XRCC1: variants seen among roughly 807,000 people sequenced by gnomAD.
XRCC1 encodes the protein X-ray repair cross complementing 1, also known as DNA repair protein XRCC1.
A neutral mutation model predicts 83.3 loss-of-function variants in XRCC1; 52 were observed. The ratio of observed to expected loss-of-function variants is 0.62; its 90% CI spans 0.50 to 0.79. The LOEUF (loss-of-function observed/expected upper bound fraction) is 0.79, where lower values mean the gene tolerates loss of function less well. Among genes scored for constraint, XRCC1 ranks in the 30% least tolerant of loss-of-function variants. The pLI is 0.00. For missense variants in XRCC1, 793 were observed against 823.5 expected (o/e 0.96, Z 0.45); for synonymous variants, 281 against 312.6 (o/e 0.90, Z 1.07).
Position 43,545,905 on chromosome 19 carries a change from C to G in XRCC1, c.1534G>C (p.Glu512Gln), listed in dbSNP as rs1051956334. Residue 512 changes from glutamate (E) to glutamine (Q), a missense_variant, in exon 14 of 17, where the codon GAA becomes CAA. Physicochemically the swap from Glu to Gln is conservative, Grantham distance 29. Transcript: ENST00000262887. ...RLPPGQEENG[E>Q]DPYAGSTDEN... The stretch of plus-strand genomic sequence containing the variant: ...TCCGTGGAGCCTGCATACGGGTCTT[C>G]CCCATTCTCCTCCTGGCCAGGGGGC... 4 of 1,613,960 alleles carry G rather than the reference C, an allele frequency of 2.5e-6. 1 individual carries two copies. Among genetic ancestry groups the G allele is most frequent in the Middle Eastern group, 3.3e-4 (2 of 6,056 alleles).
rs548291919 is a variant in XRCC1 at position 43,570,069 on chromosome 19, C to T, written c.144+4841G>A. Reference sequence around the variant, plus strand: ...CAGGGCTGCAGTTTGCAAAGAGTCACTGAGCTGTACTCTTACTTACACCTT... The same window carrying T: ...CAGGGCTGCAGTTTGCAAAGAGTCATTGAGCTGTACTCTTACTTACACCTT... On this transcript the variant is annotated intron_variant, in intron 2 of 16. Coordinates refer to ENST00000262887, the MANE Select transcript of XRCC1 (RefSeq NM_006297.3). Among the ~76,000 whole-genome samples the T allele has an allele frequency of 9.8e-5, 15 of 152,310 alleles. No homozygotes were observed. In the East Asian group the frequency reaches 2.7e-3, roughly 27 times the overall value.
At chr19:43,552,938 C>T in intron 7 of XRCC1, 30 bp from the exon 8 acceptor site, 1 of 1,610,926 alleles carries the variant, frequency 6.2e-7, no homozygotes, top group Non-Finnish European at 8.5e-7. Flanking sequence ...TTGAGGCCTC[C>T]AGCTTCTCTC....
chr19:43,574,735 G>C, intron 2 of XRCC1, 175 bp downstream of exon 2: 2 of 600,696 alleles, frequency 3.3e-6, no homozygotes. Context: ...TTAATCCTTG[G>C]GTCTCCTTTC....
chr19:43,552,737 G>A (rs557595960), intron 8 of XRCC1, 60 bp downstream of exon 8: 11 of 1,458,170 alleles, frequency 7.5e-6, no homozygotes, highest in African/African-American at 1.4e-5. Context: ...CTCCAGCCCC[G>A]CTTCCCCTAG....
intron 10 of XRCC1, among the ~76,000 whole-genome samples, chr19:43,548,931 T>G (rs538181348): frequency 5.3e-5 from 8 of 152,120 alleles, no homozygotes; most frequent in Non-Finnish European, 8.8e-5. Flanking sequence ...AGAGATTATT[T>G]AATCTGCCCT....
intron 2 of XRCC1, among the ~76,000 whole-genome samples, chr19:43,567,184 T>A (rs1972761847): frequency 6.6e-6 from 1 of 152,102 alleles, no homozygotes; most frequent in Admixed American, 6.6e-5. Context: ...AGTGACTGTT[T>A]AATGGTTATG....
At chr19:43,558,197 T>C (rs934050157) in intron 3 of XRCC1, among the ~76,000 whole-genome samples, 4 of 152,160 alleles carry the variant, frequency 2.6e-5, no homozygotes, top group African/African-American at 7.2e-5. Flanking sequence ...AAGTTGGGCA[T>C]GGTGGTGCAA....
intron 12 of XRCC1, 89 bp downstream of exon 12, chr19:43,546,506 C>T (rs1972511997): frequency 1.4e-6 from 2 of 1,449,730 alleles, no homozygotes; most frequent in Non-Finnish European, 1.9e-6. Flanking sequence ...CCAGCCCCTC[C>T]TCCCTCAGAC....
At chr19:43,563,011 C>A (rs1266443556) in intron 2 of XRCC1, among the ~76,000 whole-genome samples, 2 of 152,242 alleles carry the variant, frequency 1.3e-5, no homozygotes, top group East Asian at 3.8e-4. Flanking sequence ...CCCAGGCAGG[C>A]TGGCAACAGT....
At position 43,546,894 on chromosome 19, in the gene XRCC1, A is replaced by AGCTT. The variant is rs2146043491; in HGVS notation, c.1279_1282dup (p.Leu428GlnfsTer29). The stretch of plus-strand genomic sequence containing the variant: ...CAGGGGGCATCAGACCTTCTGAGGA[A>AGCTT]GCTTGGGGGCTTCATCTCCGCTGCC... On this transcript the variant is annotated frameshift_variant, in exon 11 of 17. Coordinates refer to ENST00000262887, the MANE Select transcript of XRCC1 (RefSeq NM_006297.3). LOFTEE classifies it high-confidence loss of function. 2 of 1,613,844 alleles carry AGCTT rather than the reference A, an allele frequency of 1.2e-6. No homozygotes were observed. The highest frequency in any genetic ancestry group is 4.5e-5 in the East Asian group (2 of 44,866).
At chr19:43,552,733 C>A in intron 8 of XRCC1, 64 bp downstream of exon 8, 1 of 1,445,608 alleles carries the variant, frequency 6.9e-7, no homozygotes, top group South Asian at 1.4e-5. Flanking sequence ...CAGGCTCCAG[C>A]CCCGCTTCCC....
chr19:43,559,420 C>T (rs1312077067), intron 3 of XRCC1, among the ~76,000 whole-genome samples: 3 of 132,182 alleles, frequency 2.3e-5, no homozygotes, highest in African/African-American at 8.7e-5. Context: ...GTGGAGCTTG[C>T]AGTGAGCCGA....
chr19:43,566,104 C>T (rs527476449), intron 2 of XRCC1, among the ~76,000 whole-genome samples: 4 of 152,136 alleles, frequency 2.6e-5, no homozygotes, highest in Admixed American at 2.6e-4. Flanking sequence ...GACTTGGTGG[C>T]GTGCACCTGT....
chr19:43,553,542 T>G (rs1035133413), intron 5 of XRCC1, 30 bp from the exon 6 acceptor site: 1 of 1,613,008 alleles, frequency 6.2e-7, no homozygotes, highest in South Asian at 1.1e-5. Context: ...GTATTATAGG[T>G]GGGCTGCTGG....
intron 2 of XRCC1, among the ~76,000 whole-genome samples, chr19:43,571,613 C>T (rs1420378764): frequency 6.6e-6 from 1 of 152,238 alleles, no homozygotes; most frequent in Non-Finnish European, 1.5e-5. Context: ...AAGTGATCCT[C>T]CCGCCTCAGC....
rs1317935441 is a variant in XRCC1, at chr19:43,563,881, C to T, written c.145-2861G>A. On this transcript the variant is annotated intron_variant, in intron 2 of 16. Coordinates refer to ENST00000262887, the MANE Select transcript of XRCC1 (RefSeq NM_006297.3). ...TTGTATTTGTCTAGCATCTGTCTCT[C>T]CCGCCAGACTTTTAAGCTCCACAAG... Among the ~76,000 whole-genome samples the T allele has an allele frequency of 2.0e-5, 3 of 152,178 alleles. No homozygotes were observed. The East Asian group carries it at 5.8e-4, about 29-fold the overall frequency.
chr19:43,570,671 G>A (rs1308947353), intron 2 of XRCC1, among the ~76,000 whole-genome samples: 3 of 152,184 alleles, frequency 2.0e-5, no homozygotes, highest in Admixed American at 6.5e-5. Context: ...TGTAGTCCCA[G>A]CTATCTGGGA....
intron 2 of XRCC1, among the ~76,000 whole-genome samples, chr19:43,571,361 A>G (rs1366938388): frequency 6.6e-6 from 1 of 152,150 alleles, no homozygotes; most frequent in African/African-American, 2.4e-5. Context: ...ATTTAAATAA[A>G]AATCCTTGCC....
chr19:43,567,495 A>G (rs141244911), intron 2 of XRCC1, among the ~76,000 whole-genome samples: 1,695 of 152,162 alleles, frequency 0.011, 13 homozygotes, highest in Non-Finnish European at 0.017. Flanking sequence ...TATTTTCAGT[A>G]GAGATGGGGT....
Sources: allele counts gnomAD v4.1 joint callset (sites outside exome capture counted in the v4.1 genomes callset), GRCh38; gene constraint gnomAD v4.1.1; transcripts MANE v1.5; gene names NCBI Gene and HGNC (gene_info 2026-07-23, HGNC 2026-07-21).